The following TASP1 variants were observed in gnomAD, a reference collection of about 807,000 sequenced individuals.
TASP1 encodes threonine aspartase 1.
Under a neutral mutation model 56.6 loss-of-function variants are expected in TASP1, and 16 were observed. The observed-to-expected ratio is 0.28, with a 90% CI of 0.19 to 0.43. The LOEUF (loss-of-function observed/expected upper bound fraction) is 0.43, where lower values mean the gene tolerates loss of function less well. TASP1 is among the 20% of genes least tolerant of loss of function. The pLI is 1.00. For synonymous variants in TASP1, 179 were observed against 184.2 expected (o/e 0.97, Z 0.23); for missense variants, 393 against 511.6 (o/e 0.77, Z 2.24).
the TASP1 span, among the ~76,000 whole-genome samples, chr20:13,307,583 G>A: frequency 7.2e-5 from 11 of 152,030 alleles, no homozygotes; most frequent in South Asian, 8.3e-4. Context: ...CCATGCCCCC[G>A]TCCAGTAACG....
chr20:13,154,036 C>G, the TASP1 span: 1 of 1,614,114 alleles, frequency 6.2e-7, no homozygotes, highest in Non-Finnish European at 8.5e-7. Flanking sequence ...GCGAAAAACA[C>G]AAGATACTTC....
chr20:13,621,242 G>A (rs1458531202), intron 4 of TASP1, among the ~76,000 whole-genome samples: 2 of 151,838 alleles, frequency 1.3e-5, no homozygotes, highest in Admixed American at 6.6e-5. Context: ...TGGTCAACAT[G>A]GTGAAACCCT....
rs866423792 is a variant in TASP1 at position 13,443,620 on chromosome 20, C to T, written c.986-8466G>A. 9.0e-4 allele frequency among the ~76,000 whole-genome samples: 137 copies of T among 152,310 alleles called. No homozygotes were observed. In the Middle Eastern group the frequency reaches 0.034, roughly 38 times the overall value. On this transcript the variant is annotated intron_variant, in intron 11 of 13. Transcript: ENST00000337743. ...TAAATGTATGTAATCTGGACATTCACTTAGGTTGTAAATCCAGACTATACA... is the reference window on the plus strand; with the variant it reads ...TAAATGTATGTAATCTGGACATTCATTTAGGTTGTAAATCCAGACTATACA...
the TASP1 span, among the ~76,000 whole-genome samples, chr20:13,125,178 G>A: frequency 5.3e-5 from 8 of 152,204 alleles, no homozygotes; most frequent in South Asian, 2.1e-4. Context: ...TCACCACTGC[G>A]GCATTAGATT....
intron 13 of TASP1, among the ~76,000 whole-genome samples, chr20:13,412,050 G>C (rs1045943636): frequency 6.6e-6 from 1 of 152,190 alleles, no homozygotes; most frequent in Middle Eastern, 3.4e-3. Context: ...GTCTTTCTCT[G>C]GCCACTGCCA....
chr20:13,295,225 C>A, the TASP1 span, among the ~76,000 whole-genome samples: 1 of 152,176 alleles, frequency 6.6e-6, no homozygotes, highest in South Asian at 2.1e-4. Flanking sequence ...CCTGCTGTTT[C>A]CTCCCAGAGT....
chr20:13,239,829 A>G, the TASP1 span, among the ~76,000 whole-genome samples: 1 of 152,230 alleles, frequency 6.6e-6, no homozygotes, highest in East Asian at 1.9e-4. Context: ...CATACCATTC[A>G]TTTATCCTAC....
At chr20:13,132,513 T>C in the TASP1 span, among the ~76,000 whole-genome samples, 7 of 152,086 alleles carry the variant, frequency 4.6e-5, no homozygotes, top group African/African-American at 1.4e-4. Context: ...ACCTGAGAAA[T>C]TGTATATGTA....
intron 11 of TASP1, among the ~76,000 whole-genome samples, chr20:13,456,524 T>C (rs780538306): frequency 7.2e-5 from 11 of 152,160 alleles, no homozygotes; most frequent in African/African-American, 2.4e-4. Flanking sequence ...AAAGACTGCA[T>C]TGACACTGTT....
intron 6 of TASP1, among the ~76,000 whole-genome samples, chr20:13,577,675 A>G (rs1033002550): frequency 6.6e-6 from 1 of 152,186 alleles, no homozygotes; most frequent in Non-Finnish European, 1.5e-5. Flanking sequence ...GGCAAGCCAG[A>G]AAAGGAACGC....
the TASP1 span, among the ~76,000 whole-genome samples, chr20:13,193,250 T>G: frequency 6.6e-6 from 1 of 152,204 alleles, no homozygotes; most frequent in African/African-American, 2.4e-5. Context: ...TTAATGTGAC[T>G]ATTATATCAA....
intron 11 of TASP1, among the ~76,000 whole-genome samples, chr20:13,459,924 G>A (rs55684517): frequency 0.033 from 4,962 of 152,046 alleles, 266 homozygotes; most frequent in African/African-American, 0.11. Flanking sequence ...TGTATTATTT[G>A]CTCTAACTTC....
At chr20:13,272,101 A>G in the TASP1 span, among the ~76,000 whole-genome samples, 2 of 151,898 alleles carry the variant, frequency 1.3e-5, no homozygotes, top group Non-Finnish European at 2.9e-5. Flanking sequence ...CTTTGCTTCC[A>G]ATTCTTTCTA....
At chr20:13,538,650 T>G (rs909455808) in intron 8 of TASP1, among the ~76,000 whole-genome samples, 8 of 152,178 alleles carry the variant, frequency 5.3e-5, no homozygotes, top group Admixed American at 4.6e-4. Flanking sequence ...TGGCTCCAGC[T>G]ACAGGACATC....
the TASP1 span, among the ~76,000 whole-genome samples, chr20:13,128,446 AG>A: frequency 6.6e-6 from 1 of 152,230 alleles, no homozygotes; most frequent in African/African-American, 2.4e-5. Context: ...CCTTGAAGAC[AG>A]TGACTCAGGC....
chr20:13,224,841 C>CTTTTTTTT, the TASP1 span, among the ~76,000 whole-genome samples: 79 of 107,220 alleles, frequency 7.4e-4, no homozygotes, highest in Non-Finnish European at 9.6e-4. Flanking sequence ...AGCTTTCTTT[C>CTTTTTTTT]TTTTTTTTTT....
chr20:13,187,461 CAAAG>C, the TASP1 span, among the ~76,000 whole-genome samples: 1 of 151,086 alleles, frequency 6.6e-6, no homozygotes, highest in Non-Finnish European at 1.5e-5. Context: ...TATAAAAAGA[CAAAG>C]AAGGCCGGGC....
the TASP1 span, among the ~76,000 whole-genome samples, chr20:13,151,403 T>A: frequency 6.6e-6 from 1 of 152,200 alleles, no homozygotes; most frequent in African/African-American, 2.4e-5. Context: ...GCATGCTCCA[T>A]TCATTGTCTG....
intron 10 of TASP1, among the ~76,000 whole-genome samples, chr20:13,486,059 T>A (rs186397842): frequency 5.3e-4 from 80 of 152,352 alleles, no homozygotes; most frequent in African/African-American, 1.8e-3. Context: ...TTATACTCTC[T>A]GACATTGATC....
Sources: gnomAD v4.1 joint callset for allele counts (sites outside exome capture counted in the v4.1 genomes callset) on GRCh38, gnomAD v4.1.1 for gene constraint, MANE v1.5 for transcripts, NCBI Gene and HGNC (gene_info 2026-07-23, HGNC 2026-07-21) for gene names.